The following CPEB4 variants were observed in gnomAD, a reference collection of about 807,000 sequenced individuals.
CPEB4 encodes cytoplasmic polyadenylation element binding protein 4.
In CPEB4, 12 loss-of-function variants were observed where a neutral mutation model predicts 72.5. That is an observed-to-expected ratio of 0.17 (90% CI 0.11 to 0.27). The LOEUF is 0.27. Ranked by LOEUF, CPEB4 falls within the 10% of genes least tolerant of loss-of-function variation. The pLI is 1.00. For synonymous variants in CPEB4, 302 were observed against 326.3 expected, an observed-to-expected ratio of 0.93 and a Z score of 0.80; for missense variants, 614 against 908.5, an observed-to-expected ratio of 0.68 and a Z score of 4.17.
intron 1 of CPEB4, among the ~76,000 whole-genome samples, chr5:173,899,354 G>A (rs967493243): frequency 1.3e-5 from 2 of 151,988 alleles, no homozygotes; most frequent in Admixed American, 1.3e-4. Context: ...TGTCTCTAGA[G>A]GAGTCTTTAA....
intron 4 of CPEB4, 121 bp from the exon 5 acceptor site, chr5:173,944,846 A>G: frequency 1.2e-6 from 1 of 821,184 alleles, no homozygotes; most frequent in Non-Finnish European, 2.0e-6. Context: ...TGTTTCTATT[A>G]TTCAGTGAGA....
chr5:173,944,941 C>A, intron 4 of CPEB4, 26 bp from the exon 5 acceptor site: 1 of 1,577,882 alleles, frequency 6.3e-7, no homozygotes, highest in Non-Finnish European at 8.7e-7. Context: ...TTTCTGTTAC[C>A]GTTTTTTCCC....
chr5:173,888,634 C>T lies in CPEB4; in HGVS notation c.-1100C>T. On this transcript the variant is annotated 5_prime_UTR_variant, in exon 1 of 10. Coordinates refer to ENST00000265085, the MANE Select transcript of CPEB4 (RefSeq NM_030627.4). This position sits in a 1 kb window ranked among gnomAD's most constrained non-coding sequence, Gnocchi z 4.3. ...TTCTGGGGGAAAAGAGAGAGAAAGC[C>T]GAGGGGGGAGGCCCTTCTCCTTTAA... 2.5e-6 allele frequency: 1 copy of T among 400,938 alleles called. No individual in the cohort carries two copies. The highest frequency in any genetic ancestry group is 4.4e-6 in the Non-Finnish European group (1 of 227,094). The allele number at this position is 400,938 out of a possible 1,614,324, so 24.8% of individuals were successfully genotyped here. A position where few individuals can be genotyped will look rare whatever the true frequency, so the allele number is the denominator to read the frequency against.
intron 3 of CPEB4, among the ~76,000 whole-genome samples, chr5:173,935,335 T>C (rs2113247365): frequency 6.6e-6 from 1 of 152,328 alleles, no homozygotes; most frequent in African/African-American, 2.4e-5. Context: ...TCATGTCTTG[T>C]GTCCATGCAG....
intron 3 of CPEB4, among the ~76,000 whole-genome samples, chr5:173,938,571 C>T (rs1186375939): frequency 2.6e-5 from 4 of 152,078 alleles, no homozygotes; most frequent in Non-Finnish European, 4.4e-5. Flanking sequence ...TGAGCTACAC[C>T]CCCCTTTTTT....
intron 1 of CPEB4, chr5:173,892,921 T>G (rs1475227721): frequency 1.3e-5 from 2 of 152,140 alleles, no homozygotes. Flanking sequence ...GGATGGTCAG[T>G]GTACCTGACT....
chr5:173,896,672 T>C (rs1429605535), intron 1 of CPEB4, among the ~76,000 whole-genome samples: 2 of 152,210 alleles, frequency 1.3e-5, no homozygotes, highest in Non-Finnish European at 2.9e-5. Flanking sequence ...ATAAAATGCA[T>C]ATATAAAGCT....
chr5:173,912,914 G>A (rs1432689249), intron 2 of CPEB4, among the ~76,000 whole-genome samples: 3 of 112,466 alleles, frequency 2.7e-5, no homozygotes, highest in Non-Finnish European at 5.2e-5. Flanking sequence ...TTAAGACCCT[G>A]TCTCAAAAAA....
chr5:173,916,673 A>G (rs1756881505), intron 2 of CPEB4, among the ~76,000 whole-genome samples: 1 of 152,230 alleles, frequency 6.6e-6, no homozygotes, highest in African/African-American at 2.4e-5. Flanking sequence ...AATTTGTTTG[A>G]AACAAATGCT....
intron 2 of CPEB4, among the ~76,000 whole-genome samples, chr5:173,928,888 T>C (rs549747948): frequency 1.3e-5 from 2 of 152,100 alleles, no homozygotes; most frequent in African/African-American, 2.4e-5. Context: ...TAGGGAAGCA[T>C]TATGAAAGTT....
intron 6 of CPEB4, 21 bp downstream of exon 6, chr5:173,949,618 T>A: frequency 6.8e-7 from 1 of 1,477,498 alleles, no homozygotes; most frequent in Non-Finnish European, 9.4e-7. Flanking sequence ...AGATTCATTA[T>A]ACTTATGTAA....
chr5:173,915,436 C>T (rs1268700618), intron 2 of CPEB4, among the ~76,000 whole-genome samples: 2 of 152,118 alleles, frequency 1.3e-5, no homozygotes, highest in Admixed American at 6.5e-5. Context: ...TTTCTCTGGT[C>T]AGCTGGCAAG....
intron 7 of CPEB4, among the ~76,000 whole-genome samples, chr5:173,951,465 T>C: frequency 6.6e-6 from 1 of 152,192 alleles, no homozygotes; most frequent in Non-Finnish European, 1.5e-5. Flanking sequence ...TATTGTATAT[T>C]GATTGGCATT....
rs561176909 is a variant in CPEB4, at chr5:173,960,675, A to G, written c.*4538A>G. ...AAAACCCAATGTTTAGTTAATAATGAAAGTCCGTATCTGGGAGGTTCAGTT... is the reference window on the plus strand; with the variant it reads ...AAAACCCAATGTTTAGTTAATAATGGAAGTCCGTATCTGGGAGGTTCAGTT... On this transcript the variant is annotated 3_prime_UTR_variant, in exon 10 of 10. Transcript: ENST00000265085. 2 of 152,336 alleles carry G rather than the reference A, an allele frequency of 1.3e-5. No homozygotes were observed. The highest frequency in any genetic ancestry group is 3.9e-4 in the East Asian group (2 of 5,188). 9.4% of individuals were successfully genotyped at this position (152,336 alleles called of 1,614,324 possible).
chr5:173,898,447 A>T (rs1236367845), intron 1 of CPEB4, among the ~76,000 whole-genome samples: 2 of 152,290 alleles, frequency 1.3e-5, no homozygotes, highest in Admixed American at 1.3e-4. Flanking sequence ...TTCATTAGCT[A>T]TGTGACCTAG....
At chr5:173,892,115 A>G (rs181353830) in intron 1 of CPEB4, among the ~76,000 whole-genome samples, 1 of 152,284 alleles carries the variant, frequency 6.6e-6, no homozygotes, top group East Asian at 1.9e-4. Context: ...GTTCCCAAAT[A>G]CGATGTTAGC....
At chr5:173,941,091 T>G (rs1346113668) in intron 3 of CPEB4, among the ~76,000 whole-genome samples, 2 of 152,220 alleles carry the variant, frequency 1.3e-5, no homozygotes, top group Non-Finnish European at 2.9e-5. Context: ...TTATAAAAGC[T>G]TATTCTTTTC....
intron 2 of CPEB4, among the ~76,000 whole-genome samples, chr5:173,928,549 A>G (rs745350649): frequency 1.3e-5 from 2 of 152,202 alleles, no homozygotes; most frequent in African/African-American, 4.8e-5. Flanking sequence ...ATAAAAATAC[A>G]TATATACGAG....
At chr5:173,951,993 T>C in intron 8 of CPEB4, 55 bp downstream of exon 8, 278 of 937,196 alleles carry the variant, frequency 3.0e-4, no homozygotes, top group Non-Finnish European at 4.5e-4. Flanking sequence ...AATATGAAGA[T>C]CTTCAGGATA....
Sources: gnomAD v4.1 joint callset for allele counts (sites outside exome capture counted in the v4.1 genomes callset) on GRCh38, gnomAD v4.1.1 for gene constraint, Gnocchi (gnomAD v3.1) non-coding constraint, MANE v1.5 for transcripts, NCBI Gene and HGNC (gene_info 2026-07-23, HGNC 2026-07-21) for gene names.